Variants in NOL4L observed in about 807,000 individuals in gnomAD.
NOL4L encodes the protein nucleolar protein 4-like.
NOL4L carries 7 observed loss-of-function variants against 64.5 expected under a neutral mutation model. That is an observed-to-expected ratio of 0.11 (90% CI 0.06 to 0.20). The LOEUF is 0.20. NOL4L is among the 10% of genes least tolerant of loss of function. The probability of loss-of-function intolerance (pLI) is 1.00; values close to 1 mark genes in which losing one functional copy is unlikely to be tolerated. For missense variants in NOL4L, 680 were observed against 967.1 expected, an observed-to-expected ratio of 0.70 and a Z score of 3.94; for synonymous variants, 413 against 401.0, an observed-to-expected ratio of 1.03 and a Z score of -0.36.
At chr20:32,536,342 G>A (rs1298215477) in intron 1 of NOL4L, 2 of 985,074 alleles carry the variant, frequency 2.0e-6, no homozygotes, top group South Asian at 4.7e-5. Context: ...AACGAGCGGA[G>A]AGCCCCAGGT....
chr20:32,488,267 T>C (rs566531800), intron 4 of NOL4L, among the ~76,000 whole-genome samples: 1 of 152,134 alleles, frequency 6.6e-6, no homozygotes, highest in Non-Finnish European at 1.5e-5. Flanking sequence ...CAAACTGTGG[T>C]AGACAGTCTC....
intron 4 of NOL4L, among the ~76,000 whole-genome samples, chr20:32,507,498 G>A (rs1360881373): frequency 6.6e-6 from 1 of 152,146 alleles, no homozygotes. Context: ...TCATTTTCTA[G>A]CATATTAATC....
intron 4 of NOL4L, among the ~76,000 whole-genome samples, chr20:32,504,343 G>A (rs572681760): frequency 1.8e-4 from 28 of 152,024 alleles, no homozygotes; most frequent in Non-Finnish European, 3.5e-4. Flanking sequence ...GGTAGATCAC[G>A]AGGTCAGTAG....
At chr20:32,565,396 TG>T (rs1979363931) in intron 1 of NOL4L, among the ~76,000 whole-genome samples, 1 of 152,206 alleles carries the variant, frequency 6.6e-6, no homozygotes, top group Admixed American at 6.5e-5. Context: ...TTACAAAACC[TG>T]GTCGGGGACC....
chr20:32,485,058 CAAAAAAAAAAAA>C (rs57444583), intron 4 of NOL4L, among the ~76,000 whole-genome samples: 31 of 17,816 alleles, frequency 1.7e-3, no homozygotes, highest in South Asian at 8.3e-3. Flanking sequence ...GGGAAATTGC[CAAAAAAAAAAAA>C]AAAAAAAAAA....
At chr20:32,558,622 G>GT (rs1978809497) in intron 1 of NOL4L, among the ~76,000 whole-genome samples, 1 of 152,212 alleles carries the variant, frequency 6.6e-6, no homozygotes, top group Non-Finnish European at 1.5e-5. Context: ...CCTGACAGCC[G>GT]TAACGGAGGA....
chr20:32,475,145 C>CA, intron 4 of NOL4L: 1 of 985,486 alleles, frequency 1.0e-6, no homozygotes, highest in Non-Finnish European at 1.2e-6. Context: ...AAGCGGGCAG[C>CA]AGCACATGCC....
At chr20:32,480,528 C>T (rs1167414930) in intron 4 of NOL4L, among the ~76,000 whole-genome samples, 1 of 152,194 alleles carries the variant, frequency 6.6e-6, no homozygotes, top group Non-Finnish European at 1.5e-5. Context: ...CTTCTCAACC[C>T]ACTGGTGGGC....
chr20:32,453,847 C>T lies in NOL4L; in HGVS notation c.1120-86G>A. ...CTCCTACAGGCGGTGAGCTTGGGGA[C>T]CAGGGTGGCACGCATGCCCTGCTGC... On this transcript the variant is annotated intron_variant, in intron 6 of 10. Coordinates refer to ENST00000621426, the MANE Select transcript of NOL4L (RefSeq NM_001256798.2). This position sits in a 1 kb window ranked among gnomAD's most constrained non-coding sequence, Gnocchi z 5.6. 1 of 1,335,518 alleles carries T rather than the reference C, an allele frequency of 7.5e-7. No homozygotes were observed. The highest frequency in any genetic ancestry group is 1.0e-6 in the Non-Finnish European group (1 of 968,774). The allele number at this position is 1,335,518 out of a possible 1,614,324, so 82.7% of individuals were successfully genotyped here.
chr20:32,584,538 G>C lies in NOL4L; in HGVS notation c.321+32C>G, dbSNP rs1327494816. On this transcript the variant is annotated intron_variant, in intron 1 of 10. Coordinates refer to ENST00000621426, the MANE Select transcript of NOL4L (RefSeq NM_001256798.2). ...CCGCCTGCCCCAAGCCCCGCGGCGG[G>C]ACCCGCCCGCGGCCGCCGCGCGCGC... The C allele has an allele frequency of 6.9e-6, 9 of 1,312,344 alleles. No homozygotes were observed. In the African/African-American group the frequency reaches 1.4e-4, roughly 21 times the overall value. 81.3% of individuals were successfully genotyped at this position (1,312,344 alleles called of 1,614,324 possible).
chr20:32,532,934 C>T (rs1034609785), intron 1 of NOL4L, among the ~76,000 whole-genome samples: 1 of 152,174 alleles, frequency 6.6e-6, no homozygotes, highest in African/African-American at 2.4e-5. Flanking sequence ...AACCATCCAA[C>T]CCCCAAACAG....
chr20:32,538,200 G>T (rs2018584478), intron 1 of NOL4L, among the ~76,000 whole-genome samples: 1 of 152,220 alleles, frequency 6.6e-6, no homozygotes, highest in Non-Finnish European at 1.5e-5. Flanking sequence ...CCATTCAGGT[G>T]CGAGGCTGGC....
At chr20:32,533,900 G>A (rs1026261568) in intron 1 of NOL4L, among the ~76,000 whole-genome samples, 4 of 152,190 alleles carry the variant, frequency 2.6e-5, no homozygotes, top group African/African-American at 9.7e-5. Flanking sequence ...ACCTCAGGGA[G>A]CTCCTGAATC....
chr20:32,473,858 C>T (rs1196634667), intron 5 of NOL4L, among the ~76,000 whole-genome samples: 4 of 152,204 alleles, frequency 2.6e-5, no homozygotes, highest in Admixed American at 6.5e-5. Context: ...GAAACAAAGG[C>T]GATGCTGGGG....
intron 1 of NOL4L, among the ~76,000 whole-genome samples, chr20:32,577,180 C>T (rs1477277157): frequency 2.0e-5 from 3 of 152,190 alleles, no homozygotes; most frequent in Non-Finnish European, 4.4e-5. Context: ...GGGCTCAGAC[C>T]CCTGCCGGAG....
intron 1 of NOL4L, among the ~76,000 whole-genome samples, chr20:32,571,506 C>A (rs1979744907): frequency 6.6e-6 from 1 of 152,196 alleles, no homozygotes; most frequent in South Asian, 2.1e-4. Context: ...CATGTCCGGC[C>A]AACTGCCGGT....
intron 2 of NOL4L, among the ~76,000 whole-genome samples, chr20:32,523,342 G>GCAGAGTCCAGCCCAGCTCTGCA (rs2018011562): frequency 6.6e-6 from 1 of 152,178 alleles, no homozygotes; most frequent in Non-Finnish European, 1.5e-5. Context: ...TCAATAAAGC[G>GCAGAGTCCAGCCCAGCTCTGCA]CAGAGTCCAG....
chr20:32,483,550 C>A, intron 4 of NOL4L: 2 of 974,228 alleles, frequency 2.1e-6, no homozygotes, highest in Non-Finnish European at 1.2e-6. Context: ...GAGGAGGGCC[C>A]AGGCGAGCAG....
intron 2 of NOL4L, 25 bp downstream of exon 2, chr20:32,527,733 G>A (rs2018187416): frequency 1.3e-6 from 2 of 1,535,056 alleles, no homozygotes; most frequent in African/African-American, 1.4e-5. Context: ...GGCTGCCAGT[G>A]GAGGCAAAGA....
Sources: gnomAD v4.1 joint callset for allele counts (sites outside exome capture counted in the v4.1 genomes callset) on GRCh38, gnomAD v4.1.1 for gene constraint, Gnocchi (gnomAD v3.1) non-coding constraint, MANE v1.5 for transcripts, NCBI Gene and HGNC (gene_info 2026-07-23, HGNC 2026-07-21) for gene names.